PRKG1: variants seen among roughly 807,000 people sequenced by gnomAD.
PRKG1 encodes the protein cGMP-dependent protein kinase 1.
In PRKG1, 35 loss-of-function variants were observed where a neutral mutation model predicts 88.1. That is an observed-to-expected ratio of 0.40 (90% CI 0.30 to 0.53). PRKG1 has a LOEUF of 0.53. PRKG1 is among the 20% of genes least tolerant of loss of function. The pLI is 0.59. For missense variants in PRKG1, 540 were observed against 839.8 expected, an observed-to-expected ratio of 0.64 and a Z score of 4.41; for synonymous variants, 303 against 292.5, an observed-to-expected ratio of 1.04 and a Z score of -0.37.
chr10:51,546,879 C>T (rs1250193813), intron 3 of PRKG1, among the ~76,000 whole-genome samples: 2 of 152,046 alleles, frequency 1.3e-5, no homozygotes, highest in Non-Finnish European at 2.9e-5. Context: ...TTATACTTTG[C>T]CTGCAAATTT....
intron 3 of PRKG1, among the ~76,000 whole-genome samples, chr10:51,598,152 C>T (rs964978488): frequency 6.6e-6 from 1 of 152,194 alleles, no homozygotes; most frequent in Non-Finnish European, 1.5e-5. Flanking sequence ...AAAAATACTC[C>T]ATGCTCTCAA....
At chr10:51,133,493 C>G (rs951367004) in intron 1 of PRKG1, among the ~76,000 whole-genome samples, 1 of 152,124 alleles carries the variant, frequency 6.6e-6, no homozygotes, top group African/African-American at 2.4e-5. Context: ...GACTGAGGCT[C>G]AGATAAGCTA....
At chr10:51,570,222 G>A (rs908660814) in intron 3 of PRKG1, among the ~76,000 whole-genome samples, 3 of 151,442 alleles carry the variant, frequency 2.0e-5, no homozygotes, top group Admixed American at 6.6e-5. Flanking sequence ...GAACATCCAC[G>A]TATAACTTTC....
At chr10:51,885,532 C>G (rs758975526) in intron 4 of PRKG1, among the ~76,000 whole-genome samples, 1 of 152,228 alleles carries the variant, frequency 6.6e-6, no homozygotes, top group Non-Finnish European at 1.5e-5. Flanking sequence ...TCCAATTACT[C>G]TCATGGCTCT....
At chr10:52,023,438 G>A (rs936618669) in intron 5 of PRKG1, among the ~76,000 whole-genome samples, 3 of 152,132 alleles carry the variant, frequency 2.0e-5, no homozygotes, top group African/African-American at 7.2e-5. Context: ...CCCAGTAATG[G>A]GATTGCTGGG....
chr10:51,183,854 T>C (rs998040137), intron 2 of PRKG1, among the ~76,000 whole-genome samples: 6 of 152,248 alleles, frequency 3.9e-5, no homozygotes, highest in Admixed American at 3.9e-4. Context: ...AGTTCAGAGA[T>C]GGGCAAATCT....
chr10:51,171,671 G>C (rs921913187), intron 2 of PRKG1, among the ~76,000 whole-genome samples: 1 of 152,058 alleles, frequency 6.6e-6, no homozygotes, highest in Non-Finnish European at 1.5e-5. Flanking sequence ...CAAAGGCAGC[G>C]ATCTGTCCAG....
At chr10:51,688,329 G>A (rs73341702) in intron 3 of PRKG1, among the ~76,000 whole-genome samples, 13 of 152,086 alleles carry the variant, frequency 8.5e-5, no homozygotes, top group African/African-American at 2.9e-4. Context: ...AAGAGATTAG[G>A]GTATATTCTG....
At chr10:51,940,850 A>T (rs1487917748) in intron 5 of PRKG1, among the ~76,000 whole-genome samples, 2 of 151,950 alleles carry the variant, frequency 1.3e-5, no homozygotes, top group East Asian at 3.8e-4. Flanking sequence ...TTGAGGGAAA[A>T]TTCTCATCAG....
chr10:51,161,632 A>G (rs949798677), intron 2 of PRKG1, among the ~76,000 whole-genome samples: 14 of 152,320 alleles, frequency 9.2e-5, no homozygotes, highest in Admixed American at 1.3e-4. Context: ...CAAAAAATCA[A>G]TGTGACATTA....
At chr10:51,883,998 T>C (rs896364156) in intron 4 of PRKG1, among the ~76,000 whole-genome samples, 1 of 138,834 alleles carries the variant, frequency 7.2e-6, no homozygotes, top group African/African-American at 2.7e-5. Flanking sequence ...ATGAATTTCC[T>C]GAAACTCAAG....
chr10:52,148,519 GA>G (rs139871092), intron 8 of PRKG1, among the ~76,000 whole-genome samples: 1,554 of 150,142 alleles, frequency 0.01, 34 homozygotes, highest in African/African-American at 0.036. Context: ...ATATTGAATA[GA>G]AAAAAAAAGG....
chr10:51,872,967 A>T (rs1160306853), intron 4 of PRKG1, among the ~76,000 whole-genome samples: 1 of 152,066 alleles, frequency 6.6e-6, no homozygotes, highest in Non-Finnish European at 1.5e-5. Context: ...TCTTTACCGT[A>T]ATGTTTGTAT....
intron 5 of PRKG1, among the ~76,000 whole-genome samples, chr10:52,015,075 G>A (rs1314119483): frequency 6.6e-6 from 1 of 152,210 alleles, no homozygotes; most frequent in Non-Finnish European, 1.5e-5. Flanking sequence ...CCTTCTCACA[G>A]CTCTTCTAGG....
chr10:51,737,001 A>G (rs1837297434), intron 3 of PRKG1, among the ~76,000 whole-genome samples: 1 of 152,140 alleles, frequency 6.6e-6, no homozygotes, highest in South Asian at 2.1e-4. Flanking sequence ...CCATCCTTCA[A>G]TACTTCAGCT....
At chr10:51,628,929 G>T (rs1213559635) in intron 3 of PRKG1, among the ~76,000 whole-genome samples, 1 of 148,158 alleles carries the variant, frequency 6.7e-6, no homozygotes, top group African/African-American at 2.5e-5. Flanking sequence ...ACTGCAGTCC[G>T]CAGTCCGGCC....
intron 5 of PRKG1, among the ~76,000 whole-genome samples, chr10:51,993,018 A>G (rs1051472363): frequency 3.9e-5 from 6 of 152,172 alleles, no homozygotes; most frequent in Admixed American, 2.6e-4. Flanking sequence ...GAGAGAATCA[A>G]ATTGAAGGCA....
At chr10:51,496,653 G>A (rs966424607) in intron 3 of PRKG1, among the ~76,000 whole-genome samples, 1 of 152,120 alleles carries the variant, frequency 6.6e-6, no homozygotes, top group African/African-American at 2.4e-5. Context: ...TCAGTGTTCA[G>A]ACCATTACTG....
Position 51,351,710 on chromosome 10 carries a change from G to T in PRKG1, c.479-116013G>T, listed in dbSNP as rs558651188. Among the ~76,000 whole-genome samples, 4 of 152,170 alleles carry T rather than the reference G, an allele frequency of 2.6e-5. No individual in the cohort carries two copies. In the South Asian group the frequency reaches 8.3e-4, roughly 32 times the overall value. The stretch of plus-strand genomic sequence containing the variant: ...CTGTAGGTTGTCTGTTCTCTCTGAT[G>T]ATAGTTTCTTTTGCTGTGCAGAACT... On this transcript the variant is annotated intron_variant, in intron 2 of 17. Coordinates refer to ENST00000373980, the MANE Select transcript of PRKG1 (RefSeq NM_006258.4).
Sources: allele counts gnomAD v4.1 joint callset (sites outside exome capture counted in the v4.1 genomes callset), GRCh38; gene constraint gnomAD v4.1.1; transcripts MANE v1.5; gene names NCBI Gene and HGNC (gene_info 2026-07-23, HGNC 2026-07-21).